DACH1: variants seen among roughly 807,000 people sequenced by gnomAD.
DACH1 encodes dachshund family transcription factor 1.
DACH1 carries 12 observed loss-of-function variants against 54.2 expected under a neutral mutation model. The ratio of observed to expected loss-of-function variants is 0.22; its 90% CI spans 0.14 to 0.36. The LOEUF is 0.36. Ranked by LOEUF, DACH1 falls within the 10% of genes least tolerant of loss-of-function variation. The pLI is 1.00. For synonymous variants in DACH1, 386 were observed against 366.2 expected, an observed-to-expected ratio of 1.05 and a Z score of -0.62; for missense variants, 805 against 929.8, an observed-to-expected ratio of 0.87 and a Z score of 1.75.
chr13:71,516,821 A>T (rs1881195023), intron 6 of DACH1, among the ~76,000 whole-genome samples: 1 of 151,834 alleles, frequency 6.6e-6, no homozygotes, highest in South Asian at 2.1e-4. Flanking sequence ...AAAACATTAG[A>T]GATTATTCTA....
At chr13:71,812,558 T>C (rs933534022) in intron 1 of DACH1, among the ~76,000 whole-genome samples, 1 of 55,876 alleles carries the variant, frequency 1.8e-5, no homozygotes, top group African/African-American at 4.1e-5. Flanking sequence ...CAGAAACACA[T>C]CAAAATGGCA....
chr13:71,515,215 T>C (rs946732188), intron 6 of DACH1, among the ~76,000 whole-genome samples: 6 of 151,820 alleles, frequency 4.0e-5, no homozygotes, highest in African/African-American at 1.4e-4. Context: ...AAAGATAATA[T>C]TGAAGTAAAA....
intron 1 of DACH1, among the ~76,000 whole-genome samples, chr13:71,728,389 T>A (rs1034956505): frequency 6.6e-6 from 1 of 151,920 alleles, no homozygotes; most frequent in African/African-American, 2.4e-5. Context: ...CAAAGACACC[T>A]TTTGGTTGAT....
chr13:71,752,888 C>T (rs1443206319), intron 1 of DACH1, among the ~76,000 whole-genome samples: 1 of 152,078 alleles, frequency 6.6e-6, no homozygotes, highest in African/African-American at 2.4e-5. Context: ...CAGATAAAAG[C>T]ATAAGGGACT....
chr13:71,772,022 G>T (rs574020093), intron 1 of DACH1, among the ~76,000 whole-genome samples: 1 of 151,420 alleles, frequency 6.6e-6, no homozygotes, highest in African/African-American at 2.4e-5. Flanking sequence ...ATCCTTAAAA[G>T]GGTTTTAAAA....
chr13:71,481,436 C>G (rs114786634), intron 7 of DACH1, among the ~76,000 whole-genome samples: 1,830 of 152,140 alleles, frequency 0.012, 28 homozygotes, highest in African/African-American at 0.041. Flanking sequence ...TATTAATATT[C>G]GTTGTAAAGA....
At chr13:71,652,289 C>T (rs1398722740) in intron 2 of DACH1, among the ~76,000 whole-genome samples, 3 of 152,124 alleles carry the variant, frequency 2.0e-5, no homozygotes, top group African/African-American at 7.2e-5. Context: ...TCCCTCTCCC[C>T]ATGGCAGATT....
chr13:71,658,241 T>C (rs1879265571), intron 2 of DACH1, among the ~76,000 whole-genome samples: 1 of 152,168 alleles, frequency 6.6e-6, no homozygotes, highest in South Asian at 2.1e-4. Context: ...CATTATGCAT[T>C]ATATATTTCT....
intron 10 of DACH1, among the ~76,000 whole-genome samples, chr13:71,466,992 G>A (rs542614895): frequency 1.5e-3 from 221 of 151,362 alleles, no homozygotes; most frequent in South Asian, 0.012. Flanking sequence ...TTTCTTTTTC[G>A]TAAGGACCAG....
intron 1 of DACH1, among the ~76,000 whole-genome samples, chr13:71,759,911 GA>G (rs1265993516): frequency 2.0e-5 from 3 of 152,212 alleles, no homozygotes. Context: ...AAGAAATGGG[GA>G]AAAAATGAGT....
intron 3 of DACH1, among the ~76,000 whole-genome samples, chr13:71,624,497 C>T (rs1226401413): frequency 2.0e-5 from 3 of 151,844 alleles, no homozygotes; most frequent in African/African-American, 7.3e-5. Context: ...CTTGTATATG[C>T]TCCACGTTTA....
At chr13:71,764,802 T>C (rs1885553809) in intron 1 of DACH1, among the ~76,000 whole-genome samples, 1 of 152,256 alleles carries the variant, frequency 6.6e-6, no homozygotes, top group Admixed American at 6.5e-5. Context: ...AGAACTCTTC[T>C]GCAGATTAAT....
chr13:71,742,496 G>A (rs1339872237), intron 1 of DACH1, among the ~76,000 whole-genome samples: 6 of 151,656 alleles, frequency 4.0e-5, no homozygotes, highest in Admixed American at 3.3e-4. Context: ...AGTTAAATAT[G>A]AGACATTCCT....
chr13:71,687,903 C>T (rs1881265894), intron 1 of DACH1, among the ~76,000 whole-genome samples: 2 of 152,140 alleles, frequency 1.3e-5, no homozygotes, highest in African/African-American at 4.8e-5. Flanking sequence ...CCACCGCACC[C>T]CAACATAAAA....
intron 4 of DACH1, among the ~76,000 whole-genome samples, chr13:71,567,561 G>C (rs563245587): frequency 6.6e-6 from 1 of 152,052 alleles, no homozygotes; most frequent in East Asian, 1.9e-4. Flanking sequence ...AATGATTTTG[G>C]ATACTTGGAG....
chr13:71,735,472 G>A (rs1884036791), intron 1 of DACH1, among the ~76,000 whole-genome samples: 1 of 104,356 alleles, frequency 9.6e-6, no homozygotes, highest in South Asian at 3.0e-4. Flanking sequence ...ACGTATACGG[G>A]ATATACGTGT....
intron 3 of DACH1, among the ~76,000 whole-genome samples, chr13:71,598,018 T>C (rs953244460): frequency 1.3e-5 from 2 of 148,398 alleles, no homozygotes; most frequent in African/African-American, 5.0e-5. Flanking sequence ...AGGCAGAGGT[T>C]ACAGTGAGCC....
chr13:71,649,184 G>A (rs939653588), intron 2 of DACH1, among the ~76,000 whole-genome samples: 2 of 152,054 alleles, frequency 1.3e-5, no homozygotes, highest in Non-Finnish European at 2.9e-5. Flanking sequence ...GTGCTGTATA[G>A]GTTTGTAACC....
At chr13:71,661,992 C>T (rs1207792514) in intron 2 of DACH1, among the ~76,000 whole-genome samples, 4 of 152,054 alleles carry the variant, frequency 2.6e-5, no homozygotes, top group African/African-American at 9.7e-5. Flanking sequence ...TTTCCTTCAA[C>T]CAATGTTAAT....
Sources: allele counts gnomAD v4.1 joint callset (sites outside exome capture counted in the v4.1 genomes callset), GRCh38; gene constraint gnomAD v4.1.1; transcripts MANE v1.5; gene names NCBI Gene and HGNC (gene_info 2026-07-23, HGNC 2026-07-21).